MGAM: variants seen among roughly 807,000 people sequenced by gnomAD.
MGAM encodes the protein alpha-1,4-glucosidase.
A neutral mutation model predicts 358.8 loss-of-function variants in MGAM; 253 were observed. The observed-to-expected ratio is 0.71, with a 90% CI of 0.64 to 0.78. The LOEUF (loss-of-function observed/expected upper bound fraction) is 0.78, where lower values mean the gene tolerates loss of function less well. MGAM is among the 30% of genes least tolerant of loss of function. The pLI, the probability that MGAM is intolerant of heterozygous loss-of-function variation, is 0.00. For missense variants in MGAM, 3,080 were observed against 3,432.6 expected, an observed-to-expected ratio of 0.90 and a Z score of 2.57; for synonymous variants, 1,105 against 1,227.1, an observed-to-expected ratio of 0.90 and a Z score of 2.08.
At chr7:142,098,500 T>A (rs1816148690) in intron 66 of MGAM, among the ~76,000 whole-genome samples, 1 of 152,092 alleles carries the variant, frequency 6.6e-6, no homozygotes, top group Non-Finnish European at 1.5e-5. Context: ...GCCCCTTTCA[T>A]CCAAGGGGAT....
At chr7:142,050,375 T>C (rs1810828576) in intron 23 of MGAM, 91 bp downstream of exon 23, 2 of 1,424,836 alleles carry the variant, frequency 1.4e-6, no homozygotes, top group Non-Finnish European at 2.0e-6. Context: ...TGTGTGATTA[T>C]ATTTGTAACT....
intron 3 of MGAM, among the ~76,000 whole-genome samples, chr7:142,014,419 A>G (rs782470655): frequency 3.3e-4 from 50 of 152,088 alleles, no homozygotes; most frequent in Non-Finnish European, 6.6e-4. Flanking sequence ...AGGCAGTTCT[A>G]TATTATTTTC....
chr7:142,028,239 G>A (rs893344352), intron 10 of MGAM, among the ~76,000 whole-genome samples: 1 of 152,062 alleles, frequency 6.6e-6, no homozygotes, highest in African/African-American at 2.4e-5. Flanking sequence ...CTAAGATTCT[G>A]GCATAAGATT....
chr7:142,074,733 G>A (rs768194372), intron 45 of MGAM, among the ~76,000 whole-genome samples: 1 of 146,312 alleles, frequency 6.8e-6, no homozygotes, highest in African/African-American at 2.4e-5. Context: ...GAAAAACAAT[G>A]GCTTGGCCTT....
At position 142,021,621 on chromosome 7, in the gene MGAM, C is replaced by T. The variant is rs782488950; in HGVS notation, c.594C>T (p.Pro198=). The part of the protein sequence containing the change: ...TDQTNNRFEV[P]HEHVQSFSGN... Reference sequence around the variant, plus strand: ...AAACCAATAACAGGTTTGAAGTGCCCCACGAACACGTGCAGTCCTTCAGTG... The same window carrying T: ...AAACCAATAACAGGTTTGAAGTGCCTCACGAACACGTGCAGTCCTTCAGTG... The change falls in exon 6 of 71, where the codon CCC becomes CCT. Residue 198 remains proline, a synonymous_variant. Transcript: ENST00000475668. 1.5e-5 allele frequency: 24 copies of T among 1,613,720 alleles called. No individual in the cohort carries two copies. Among genetic ancestry groups the T allele is most frequent in the Non-Finnish European group, 1.9e-5 (23 of 1,179,816 alleles).
intron 57 of MGAM, among the ~76,000 whole-genome samples, chr7:142,088,845 CTAT>C (rs2129057166): frequency 7.1e-6 from 1 of 141,478 alleles, no homozygotes; most frequent in East Asian, 2.1e-4. Context: ...ATCTATCTAT[CTAT>C]CTATCTATCT....
At chr7:142,083,522 A>G (rs1261382356) in intron 53 of MGAM, 109 bp downstream of exon 53, 1 of 815,696 alleles carries the variant, frequency 1.2e-6, no homozygotes, top group Non-Finnish European at 1.9e-6. Context: ...TATTGGTATT[A>G]CTTGGAAAGA....
intron 44 of MGAM, among the ~76,000 whole-genome samples, chr7:142,073,496 T>A (rs2129048793): frequency 6.8e-6 from 1 of 146,546 alleles, no homozygotes; most frequent in East Asian, 2.0e-4. Flanking sequence ...TATGTCCATC[T>A]ACTCTACCAT....
chr7:142,018,378 A>G (rs78122411), intron 3 of MGAM, among the ~76,000 whole-genome samples: 1,616 of 152,304 alleles, frequency 0.011, 30 homozygotes, highest in African/African-American at 0.037. Flanking sequence ...GAGGACTCCA[A>G]CAGAGAAGGT....
At chr7:142,083,543 T>A (rs1814505049) in intron 53 of MGAM, 130 bp downstream of exon 53, 2 of 710,962 alleles carry the variant, frequency 2.8e-6, no homozygotes, top group Non-Finnish European at 4.4e-6. Flanking sequence ...GATTATAGAA[T>A]AAGGAAAAAT....
intron 35 of MGAM, 141 bp downstream of exon 35, chr7:142,062,843 G>T: frequency 7.9e-6 from 11 of 1,390,268 alleles, no homozygotes; most frequent in Non-Finnish European, 1.1e-5. Context: ...CTTCCTCTCA[G>T]GAGAGGAACT....
At chr7:142,100,687 TG>T (rs1163082348) in intron 67 of MGAM, 114 bp from the exon 68 acceptor site, 1 of 830,552 alleles carries the variant, frequency 1.2e-6, no homozygotes, top group Non-Finnish European at 2.0e-6. Flanking sequence ...AATTCTAGTA[TG>T]CAGTCTTTAT....
At chr7:142,068,588 T>C in intron 42 of MGAM, 59 bp from the exon 43 acceptor site, 1 of 1,285,626 alleles carries the variant, frequency 7.8e-7, no homozygotes, top group Non-Finnish European at 1.1e-6. Context: ...CTAAGCAGTT[T>C]GGTTACTCTG....
chr7:142,032,128 T>G (rs1337166171), intron 13 of MGAM, among the ~76,000 whole-genome samples: 1 of 151,598 alleles, frequency 6.6e-6, no homozygotes, highest in African/African-American at 2.4e-5. Flanking sequence ...ATTGTTCAAT[T>G]GCTAGTTGAA....
chr7:142,021,399 T>C (rs1424637021), intron 5 of MGAM, among the ~76,000 whole-genome samples, 187 bp from the exon 6 acceptor site: 1 of 152,210 alleles, frequency 6.6e-6, no homozygotes, highest in Non-Finnish European at 1.5e-5. Context: ...GTGCTCTGTA[T>C]GTCTCTACCT....
chr7:142,094,352 C>T lies in MGAM; in HGVS notation c.7173-12C>T. The T allele has an allele frequency of 1.3e-6, 2 of 1,510,536 alleles. No homozygotes were observed. The highest frequency in any genetic ancestry group is 1.8e-6 in the Non-Finnish European group (2 of 1,110,000). 93.6% of individuals were successfully genotyped at this position (1,510,536 alleles called of 1,614,324 possible). ...GGTGCCCTCAGTTCACCTCCTTTTC[C>T]CCTCCAACCAGAGCCGTGCAGGAGG... On this transcript the variant is annotated splice_polypyrimidine_tract_variant and intron_variant, in intron 60 of 70. Coordinates refer to ENST00000475668, the MANE Select transcript of MGAM (RefSeq NM_001365693.1).
rs1446841565 is a variant in MGAM, at chr7:142,062,684, G to A, written c.4239G>A (p.Lys1413=). 5.6e-6 allele frequency: 9 copies of A among 1,609,564 alleles called. No individual in the cohort carries two copies. The Admixed American group carries it at 1.5e-4, about 27-fold the overall frequency. The change falls in exon 35 of 71, where the codon AAG becomes AAA. Residue 1413 remains lysine, a synonymous_variant. Coordinates refer to ENST00000475668, the MANE Select transcript of MGAM (RefSeq NM_001365693.1). ...NNPQNPERSL[K]FDGMWIDMNE... Reference sequence around the variant, plus strand: ...CACAGAATCCAGAGAGGAGCTTGAAGTTTGATGGCATGTGGATTGTAAGTG... The same window carrying A: ...CACAGAATCCAGAGAGGAGCTTGAAATTTGATGGCATGTGGATTGTAAGTG...
At chr7:142,022,182 T>G in intron 6 of MGAM, 86 bp from the exon 7 acceptor site, 49 of 1,270,452 alleles carry the variant, frequency 3.9e-5, no homozygotes, top group East Asian at 4.9e-5. Flanking sequence ...ATTGAGTCAC[T>G]GAGATATAAA....
In MGAM at chr7:142,044,167, T is replaced by C. The variant is rs1252213257; in HGVS notation, c.2498+3321T>C. On this transcript the variant is annotated intron_variant, in intron 21 of 70. Transcript: ENST00000475668. ...ATATACACATACGACGTATAATATATACATTATATACACATACGACATATA... is the reference window on the plus strand; with the variant it reads ...ATATACACATACGACGTATAATATACACATTATATACACATACGACATATA... Among the ~76,000 whole-genome samples, 23 of 143,270 alleles carry C rather than the reference T, an allele frequency of 1.6e-4. 7 individuals carry two copies. The highest frequency in any genetic ancestry group is 3.5e-4 in the Non-Finnish European group (23 of 65,788). 94.0% of individuals were successfully genotyped at this position (143,270 alleles called of 152,430 possible). A position where few individuals can be genotyped will look rare whatever the true frequency, so the allele number is the denominator to read the frequency against.
Sources: allele counts gnomAD v4.1 joint callset (sites outside exome capture counted in the v4.1 genomes callset), GRCh38; gene constraint gnomAD v4.1.1; transcripts MANE v1.5; gene names NCBI Gene and HGNC (gene_info 2026-07-23, HGNC 2026-07-21).